FOCAD: variants seen among roughly 807,000 people sequenced by gnomAD.
FOCAD encodes the protein KIAA1797.
A neutral mutation model predicts 225.6 loss-of-function variants in FOCAD; 198 were observed. That is an observed-to-expected ratio of 0.88 (90% CI 0.78 to 0.99). The LOEUF (loss-of-function observed/expected upper bound fraction) is 0.99. Ranked by LOEUF, FOCAD falls within the 50% of genes least tolerant of loss-of-function variation. The probability of loss-of-function intolerance (pLI) is 0.00; values close to 1 mark genes in which losing one functional copy is unlikely to be tolerated. For synonymous variants in FOCAD, 897 were observed against 755.0 expected, an observed-to-expected ratio of 1.19 and a Z score of -3.08; for missense variants, 2,713 against 2,123.6, an observed-to-expected ratio of 1.28 and a Z score of -5.46.
chr9:20,661,546 T>G (rs1340005590), intron 2 of FOCAD, among the ~76,000 whole-genome samples: 2 of 152,210 alleles, frequency 1.3e-5, no homozygotes, highest in Non-Finnish European at 2.9e-5. Flanking sequence ...AATTAAAGTC[T>G]AAGAGGGAAC....
intron 18 of FOCAD, chr9:20,872,930 G>A (rs1413121315): frequency 6.6e-6 from 1 of 152,090 alleles, no homozygotes; most frequent in Non-Finnish European, 1.5e-5. Context: ...GGTCTTTTGT[G>A]ATGGGCTTTC....
intron 26 of FOCAD, among the ~76,000 whole-genome samples, chr9:20,927,581 A>G (rs1835077743): frequency 6.6e-6 from 1 of 151,218 alleles, no homozygotes; most frequent in Non-Finnish European, 1.5e-5. Flanking sequence ...CTTGTATTCT[A>G]AGATTTGAAG....
At chr9:20,777,796 A>G (rs1314073553) in intron 8 of FOCAD, among the ~76,000 whole-genome samples, 2 of 152,142 alleles carry the variant, frequency 1.3e-5, no homozygotes, top group Non-Finnish European at 2.9e-5. Flanking sequence ...GCAACTTTCA[A>G]TGGTTTTTAA....
chr9:20,949,136 T>G (rs182229410), intron 32 of FOCAD, among the ~76,000 whole-genome samples: 3 of 152,268 alleles, frequency 2.0e-5, no homozygotes, highest in Admixed American at 2.0e-4. Flanking sequence ...TTTAATTTGG[T>G]TTTTAGAGAT....
intron 1 of FOCAD, among the ~76,000 whole-genome samples, chr9:20,704,164 C>A (rs1369946180): frequency 2.0e-5 from 3 of 152,220 alleles, no homozygotes; most frequent in Non-Finnish European, 4.4e-5. Flanking sequence ...CACTGTGGTT[C>A]TTCTAACAGT....
At position 20,705,924 on chromosome 9, in the gene FOCAD, G is replaced by GTTT. The variant is rs59407171; in HGVS notation, c.-32-9371_-32-9369dup. ...CTAGTTAGGCATTATTCAGTTTTAA[G>GTTT]TTTTTTTTTTTTTTTTTTTTTTTTT... On this transcript the variant is annotated intron_variant, in intron 1 of 43. Coordinates refer to ENST00000338382, the MANE Select transcript of FOCAD (RefSeq NM_001375567.1). Among the ~76,000 whole-genome samples, 87 of 106,900 alleles carry GTTT rather than the reference G, an allele frequency of 8.1e-4. 3 individuals carry two copies. Among genetic ancestry groups the GTTT allele is most frequent in the African/African-American group, 2.4e-3 (69 of 28,910 alleles). The allele number at this position is 106,900 out of a possible 152,430, so 70.1% of individuals were successfully genotyped here.
Position 20,768,372 on chromosome 9 carries a change from T to C in FOCAD, c.700-1660T>C, listed in dbSNP as rs113146010. Among the ~76,000 whole-genome samples, 1,502 of 152,236 alleles carry C rather than the reference T, an allele frequency of 9.9e-3. 26 individuals are homozygous for C. The highest frequency in any genetic ancestry group is 0.035 in the African/African-American group (1,439 of 41,506). ...TTTCCAATTCTGTGAAGAAAGTCAT[T>C]GGTAGCTTGCTGGGGATGGCATTGA... is the stretch of plus-strand genomic sequence containing the variant. On this transcript the variant is annotated intron_variant, in intron 7 of 43. Coordinates refer to ENST00000338382, the MANE Select transcript of FOCAD (RefSeq NM_001375567.1).
chr9:20,738,771 C>T (rs1263927471), intron 4 of FOCAD, among the ~76,000 whole-genome samples: 1 of 152,102 alleles, frequency 6.6e-6, no homozygotes, highest in Non-Finnish European at 1.5e-5. Context: ...GCCACAAATG[C>T]AAGCCACATA....
intron 1 of FOCAD, among the ~76,000 whole-genome samples, chr9:20,703,209 C>T (rs141168962): frequency 3.4e-4 from 51 of 151,922 alleles, no homozygotes; most frequent in Middle Eastern, 3.4e-3. Flanking sequence ...AGGGAAGGTT[C>T]GAGGGAACAT....
At position 20,774,261 on chromosome 9, in the gene FOCAD, C is replaced by T. The variant is rs146259518; in HGVS notation, c.906+4023C>T. ...AAGGTAGTTAGCTCTAAAGGCTTGACTGGGTTCAGGATATTTTGTTTTTTG... is the reference window on the plus strand; with the variant it reads ...AAGGTAGTTAGCTCTAAAGGCTTGATTGGGTTCAGGATATTTTGTTTTTTG... On this transcript the variant is annotated intron_variant, in intron 8 of 43. Transcript: ENST00000338382. Among the ~76,000 whole-genome samples, 209 of 152,294 alleles carry T rather than the reference C, an allele frequency of 1.4e-3. 2 individuals are homozygous for T. The highest frequency in any genetic ancestry group is 4.8e-3 in the African/African-American group (200 of 41,556).
intron 34 of FOCAD, 73 bp downstream of exon 34, chr9:20,951,171 G>A: frequency 8.7e-7 from 1 of 1,143,650 alleles, no homozygotes; most frequent in Non-Finnish European, 1.3e-6. Context: ...AGTTTGTTAA[G>A]AGCATTAATC....
At chr9:20,763,082 A>G (rs1829756726) in intron 6 of FOCAD, among the ~76,000 whole-genome samples, 1 of 152,196 alleles carries the variant, frequency 6.6e-6, no homozygotes, top group South Asian at 2.1e-4. Flanking sequence ...TTTGTATCTT[A>G]TCTAATCATT....
chr9:20,779,334 C>T (rs989532841), intron 9 of FOCAD, among the ~76,000 whole-genome samples: 32 of 152,356 alleles, frequency 2.1e-4, no homozygotes, highest in African/African-American at 6.7e-4. Context: ...GTGGCTTTTA[C>T]ATTGGTGCTG....
chr9:20,763,800 A>G (rs1829822668), intron 6 of FOCAD, among the ~76,000 whole-genome samples: 1 of 152,180 alleles, frequency 6.6e-6, no homozygotes, highest in Non-Finnish European at 1.5e-5. Context: ...TGGGCTAGAT[A>G]CTGTTTAGGC....
intron 1 of FOCAD, among the ~76,000 whole-genome samples, chr9:20,696,564 G>A (rs1823383808): frequency 6.6e-6 from 1 of 152,180 alleles, no homozygotes. Flanking sequence ...AGCACTTTGG[G>A]AGGCCGAGAC....
chr9:20,984,413 C>G (rs775729622), intron 39 of FOCAD, among the ~76,000 whole-genome samples: 31 of 152,060 alleles, frequency 2.0e-4, no homozygotes, highest in Non-Finnish European at 4.1e-4. Context: ...TTATAAGGGT[C>G]ATATCTGTTG....
intron 11 of FOCAD, among the ~76,000 whole-genome samples, chr9:20,790,103 G>A (rs778441789): frequency 1.2e-4 from 18 of 152,054 alleles, no homozygotes; most frequent in African/African-American, 2.9e-4. Context: ...GCTATATATG[G>A]TACGGATCTG....
At chr9:20,778,652 A>G (rs1290063690) in intron 8 of FOCAD, 29 bp from the exon 9 acceptor site, 1 of 1,295,074 alleles carries the variant, frequency 7.7e-7, no homozygotes, top group Admixed American at 1.7e-5. Context: ...CTTCTTTAAC[A>G]ACTCCTTTTT....
At chr9:20,697,300 T>A (rs182705619) in intron 1 of FOCAD, among the ~76,000 whole-genome samples, 1 of 152,248 alleles carries the variant, frequency 6.6e-6, no homozygotes, top group African/African-American at 2.4e-5. Flanking sequence ...ATGGTCTCTA[T>A]TCTTCCTAGA....
Sources: allele counts gnomAD v4.1 joint callset (sites outside exome capture counted in the v4.1 genomes callset), GRCh38; gene constraint gnomAD v4.1.1; transcripts MANE v1.5; gene names NCBI Gene and HGNC (gene_info 2026-07-23, HGNC 2026-07-21).